LARP4: variants seen among roughly 807,000 people sequenced by gnomAD.
LARP4 encodes the protein la-related protein 4.
Under a neutral mutation model 92.9 loss-of-function variants are expected in LARP4, and 29 were observed. That is an observed-to-expected ratio of 0.31 (90% CI 0.23 to 0.43). LARP4 has a LOEUF of 0.43. Among genes scored for constraint, LARP4 ranks in the 20% least tolerant of loss-of-function variants. The pLI is 1.00. For synonymous variants in LARP4, 279 were observed against 284.1 expected, an observed-to-expected ratio of 0.98 and a Z score of 0.18; for missense variants, 732 against 860.0, an observed-to-expected ratio of 0.85 and a Z score of 1.86.
chr12:50,410,250 T>G (rs1945620013), intron 1 of LARP4, among the ~76,000 whole-genome samples: 1 of 152,104 alleles, frequency 6.6e-6, no homozygotes. Flanking sequence ...AGATACCTTT[T>G]TTTAATAGAG....
At chr12:50,472,749 G>T (rs938501942) in intron 13 of LARP4, among the ~76,000 whole-genome samples, 3 of 151,764 alleles carry the variant, frequency 2.0e-5, no homozygotes, top group Admixed American at 2.0e-4. Context: ...CTGGGCTCAA[G>T]CAGTCCTCCC....
At chr12:50,403,109 A>G (rs1483264274) in intron 1 of LARP4, among the ~76,000 whole-genome samples, 3 of 152,204 alleles carry the variant, frequency 2.0e-5, no homozygotes, top group Non-Finnish European at 4.4e-5. Context: ...AGGTCATTCA[A>G]GTGTAAATAA....
intron 9 of LARP4, 34 bp downstream of exon 9, chr12:50,453,706 A>G: frequency 7.4e-7 from 1 of 1,343,360 alleles, no homozygotes; most frequent in Non-Finnish European, 1.0e-6. Flanking sequence ...ATATAATAAT[A>G]TTTTTAATTT....
intron 1 of LARP4, among the ~76,000 whole-genome samples, chr12:50,422,737 C>G (rs1483029441): frequency 6.7e-6 from 1 of 149,930 alleles, no homozygotes. Flanking sequence ...TTTATATAGT[C>G]TCCATAAAAG....
chr12:50,411,368 G>A (rs1207789954), intron 1 of LARP4, among the ~76,000 whole-genome samples: 1 of 151,822 alleles, frequency 6.6e-6, no homozygotes, highest in Non-Finnish European at 1.5e-5. Flanking sequence ...TTTATTTTTT[G>A]AGATGGATTT....
At chr12:50,425,114 T>C (rs763838444) in intron 1 of LARP4, among the ~76,000 whole-genome samples, 2 of 151,846 alleles carry the variant, frequency 1.3e-5, no homozygotes, top group Non-Finnish European at 2.9e-5. Context: ...ACCACTGCAC[T>C]CCAGCCTGGG....
intron 8 of LARP4, among the ~76,000 whole-genome samples, chr12:50,449,601 A>AGGAT (rs1952786029): frequency 1.3e-5 from 2 of 152,148 alleles, no homozygotes; most frequent in Non-Finnish European, 2.9e-5. Context: ...GGCAATAGAG[A>AGGAT]GGATACAAAA....
At chr12:50,411,139 C>G (rs941243770) in intron 1 of LARP4, among the ~76,000 whole-genome samples, 3 of 151,840 alleles carry the variant, frequency 2.0e-5, no homozygotes, top group Middle Eastern at 6.8e-3. Flanking sequence ...AAACTCTACC[C>G]CTGAATTACT....
chr12:50,439,283 TAA>T (rs575109622), intron 6 of LARP4, among the ~76,000 whole-genome samples: 313 of 152,336 alleles, frequency 2.1e-3, no homozygotes, highest in Middle Eastern at 0.01. Flanking sequence ...TCTGAATACA[TAA>T]AGAGTTCATA....
chr12:50,468,210 C>T (rs1324550394), intron 13 of LARP4, among the ~76,000 whole-genome samples: 1 of 152,140 alleles, frequency 6.6e-6, no homozygotes, highest in Non-Finnish European at 1.5e-5. Flanking sequence ...AAACTCCTGA[C>T]CTTGCGATCC....
chr12:50,435,699 G>T, intron 5 of LARP4, 75 bp downstream of exon 5: 2 of 1,125,882 alleles, frequency 1.8e-6, no homozygotes, highest in South Asian at 1.7e-5. Context: ...GATCATATAG[G>T]GAATTATTTT....
intron 1 of LARP4, among the ~76,000 whole-genome samples, chr12:50,425,172 T>A (rs1279710493): frequency 6.6e-6 from 1 of 152,086 alleles, no homozygotes; most frequent in Non-Finnish European, 1.5e-5. Flanking sequence ...AAAAACTACC[T>A]TGAAATGATG....
chr12:50,455,267 T>G (rs1300476630), intron 10 of LARP4, among the ~76,000 whole-genome samples: 1 of 152,160 alleles, frequency 6.6e-6, no homozygotes, highest in Non-Finnish European at 1.5e-5. Context: ...CTGTTTATGT[T>G]GCCTGGGACG....
chr12:50,401,277 T>G (rs1943771316), intron 1 of LARP4: 1 of 553,040 alleles, frequency 1.8e-6, no homozygotes, highest in Non-Finnish European at 3.3e-6. Flanking sequence ...TGTTCTGGTG[T>G]GGCGGTGAGG....
chr12:50,423,537 C>CTT (rs1565977019), intron 1 of LARP4, among the ~76,000 whole-genome samples: 2 of 152,132 alleles, frequency 1.3e-5, no homozygotes, highest in South Asian at 4.1e-4. Context: ...CAACCTCCAC[C>CTT]TTCAGGGTTC....
chr12:50,406,274 A>G (rs1285771199), intron 1 of LARP4, among the ~76,000 whole-genome samples: 4 of 152,098 alleles, frequency 2.6e-5, no homozygotes, highest in Non-Finnish European at 5.9e-5. Context: ...GTTCAAGACC[A>G]GCCTGGGCAA....
chr12:50,421,156 G>C (rs961725602), intron 1 of LARP4: 13 of 227,580 alleles, frequency 5.7e-5, no homozygotes, highest in Admixed American at 1.3e-4. Flanking sequence ...GCTGTATGTT[G>C]GCTAGGCTGG....
chr12:50,407,246 G>A (rs1416900102), intron 1 of LARP4, among the ~76,000 whole-genome samples: 3 of 150,208 alleles, frequency 2.0e-5, no homozygotes, highest in Non-Finnish European at 4.4e-5. Flanking sequence ...GGCTGGTCTC[G>A]AACTCCTGAC....
chr12:50,415,914 C>T (rs781186226), intron 1 of LARP4: 11 of 151,652 alleles, frequency 7.3e-5, no homozygotes, highest in Admixed American at 5.3e-4. Context: ...GCCATGTGGC[C>T]CGTGGTAGTC....
Sources: allele counts gnomAD v4.1 joint callset (sites outside exome capture counted in the v4.1 genomes callset), GRCh38; gene constraint gnomAD v4.1.1; transcripts MANE v1.5; gene names NCBI Gene and HGNC (gene_info 2026-07-23, HGNC 2026-07-21).